The following KLF7 variants were observed in gnomAD, a reference collection of about 807,000 sequenced individuals.
KLF7 encodes the protein KLF transcription factor 7.
In KLF7, 2 loss-of-function variants were observed where a neutral mutation model predicts 27.3. That is an observed-to-expected ratio of 0.07 (90% CI 0.03 to 0.23). KLF7 has a LOEUF of 0.23. Among genes scored for constraint, KLF7 ranks in the 10% least tolerant of loss-of-function variants. The pLI, the probability that KLF7 is intolerant of heterozygous loss-of-function variation, is 1.00. For missense variants in KLF7, 221 were observed against 394.1 expected (o/e 0.56, Z 3.72); for synonymous variants, 165 against 162.4 (o/e 1.02, Z -0.12).
intron 1 of KLF7, 51 bp from the exon 2 acceptor site, chr2:207,124,455 C>A: frequency 1.3e-6 from 2 of 1,502,102 alleles, no homozygotes; most frequent in Non-Finnish European, 1.8e-6. Context: ...GCACAGAACA[C>A]CATGAGGCCA....
intron 1 of KLF7, among the ~76,000 whole-genome samples, chr2:207,143,537 G>C (rs768270567): frequency 2.6e-5 from 4 of 152,094 alleles, no homozygotes; most frequent in Admixed American, 6.5e-5. Flanking sequence ...TCTCTCTGTT[G>C]ATGTTTTTCT....
chr2:207,159,720 C>T (rs940985035), intron 1 of KLF7, among the ~76,000 whole-genome samples: 5 of 152,100 alleles, frequency 3.3e-5, no homozygotes, highest in Admixed American at 6.5e-5. Flanking sequence ...AGAAGTCACT[C>T]GCACCTCATT....
chr2:207,142,956 A>T (rs551867630), intron 1 of KLF7, among the ~76,000 whole-genome samples: 1 of 152,232 alleles, frequency 6.6e-6, no homozygotes. Context: ...TAACTCAGGG[A>T]AAGATTAAAG....
intron 1 of KLF7, among the ~76,000 whole-genome samples, chr2:207,134,446 G>T (rs7580722): frequency 1.2e-4 from 19 of 152,148 alleles, no homozygotes; most frequent in African/African-American, 4.6e-4. Context: ...CTTTCAAAAC[G>T]GAGAGCTTTG....
intron 1 of KLF7, among the ~76,000 whole-genome samples, chr2:207,132,684 T>C (rs936431816): frequency 6.6e-6 from 1 of 152,154 alleles, no homozygotes; most frequent in Non-Finnish European, 1.5e-5. Flanking sequence ...ATAAAAGAAA[T>C]TCCCAAAACA....
At chr2:207,107,622 C>CT (rs2076913839) in intron 2 of KLF7, among the ~76,000 whole-genome samples, 1 of 152,204 alleles carries the variant, frequency 6.6e-6, no homozygotes, top group Non-Finnish European at 1.5e-5. Flanking sequence ...CCAGAGGTTC[C>CT]TAAGCACTCC....
chr2:207,080,035 G>A lies in KLF7; in HGVS notation c.*1178C>T, dbSNP rs563754772. 3.3e-5 allele frequency: 5 copies of A among 152,134 alleles called. No individual in the cohort carries two copies. Among genetic ancestry groups the A allele is most frequent in the African/African-American group, 2.4e-5 (1 of 41,430 alleles). 9.4% of individuals were successfully genotyped at this position (152,134 alleles called of 1,614,324 possible). ...CATAAACCAGAGTTAAATTAAATACGCAGCTGCCCTCTGAGACTAGCGACA... is the reference window on the plus strand; with the variant it reads ...CATAAACCAGAGTTAAATTAAATACACAGCTGCCCTCTGAGACTAGCGACA... On this transcript the variant is annotated 3_prime_UTR_variant, in exon 4 of 4. Transcript: ENST00000309446.
intron 3 of KLF7, among the ~76,000 whole-genome samples, chr2:207,086,728 G>A (rs181253777): frequency 9.8e-5 from 15 of 152,314 alleles, no homozygotes; most frequent in Admixed American, 2.0e-4. Flanking sequence ...TTTGAAGAGT[G>A]GAATACTAAC....
intron 1 of KLF7, among the ~76,000 whole-genome samples, chr2:207,129,544 T>C (rs16839280): frequency 0.012 from 1,776 of 152,330 alleles, 34 homozygotes; most frequent in African/African-American, 0.041. Flanking sequence ...AAATATCACC[T>C]GAAATTCATA....
Position 207,100,182 on chromosome 2 carries a change from G to T in KLF7, c.734-11601C>A, listed in dbSNP as rs546522818. Among the ~76,000 whole-genome samples the T allele has an allele frequency of 2.6e-5, 4 of 152,288 alleles. No individual in the cohort carries two copies. In the East Asian group the frequency reaches 7.7e-4, roughly 29 times the overall value. On this transcript the variant is annotated intron_variant, in intron 2 of 3. Coordinates refer to ENST00000309446, the MANE Select transcript of KLF7 (RefSeq NM_003709.4). Reference sequence around the variant, plus strand: ...TTAGATAATTTATATCCAGATCATGGAGAGAAGGGCCCTCCCTGGGCCAGC... The same window carrying T: ...TTAGATAATTTATATCCAGATCATGTAGAGAAGGGCCCTCCCTGGGCCAGC...
At chr2:207,125,318 G>A (rs569155029) in intron 1 of KLF7, among the ~76,000 whole-genome samples, 5 of 152,280 alleles carry the variant, frequency 3.3e-5, no homozygotes, top group African/African-American at 9.6e-5. Flanking sequence ...GGCAAAAGTC[G>A]ATATTTAAGA....
chr2:207,095,048 T>TC (rs1339377122), intron 2 of KLF7, among the ~76,000 whole-genome samples: 1 of 138,218 alleles, frequency 7.2e-6, no homozygotes, highest in East Asian at 2.0e-4. Context: ...TTTTTTTTTT[T>TC]TTTTTTTTCT....
chr2:207,103,863 C>T (rs1234933587), intron 2 of KLF7, among the ~76,000 whole-genome samples: 4 of 152,190 alleles, frequency 2.6e-5, no homozygotes, highest in Non-Finnish European at 4.4e-5. Context: ...ACACAGGCAG[C>T]GTAATTATTA....
intron 1 of KLF7, among the ~76,000 whole-genome samples, chr2:207,134,420 G>C (rs1018536233): frequency 1.3e-5 from 2 of 152,020 alleles, no homozygotes; most frequent in African/African-American, 4.8e-5. Flanking sequence ...TTAGTGGCTG[G>C]TAATCATAGA....
At chr2:207,141,723 G>A (rs549173692) in intron 1 of KLF7, among the ~76,000 whole-genome samples, 2 of 152,286 alleles carry the variant, frequency 1.3e-5, no homozygotes, top group African/African-American at 2.4e-5. Context: ...GCCCACAGCT[G>A]CCAGTCTGAG....
chr2:207,144,812 C>T (rs929695), intron 1 of KLF7, among the ~76,000 whole-genome samples: 24,196 of 152,136 alleles, frequency 0.16, 2,253 homozygotes, highest in Middle Eastern at 0.23. Flanking sequence ...TTTATGAAGT[C>T]GTGGTTGGCT....
intron 2 of KLF7, 67 bp from the exon 3 acceptor site, chr2:207,088,648 G>T: frequency 6.5e-7 from 1 of 1,547,676 alleles, no homozygotes; most frequent in South Asian, 1.2e-5. Context: ...CAACCAGCCT[G>T]TGCTGCCTGC....
chr2:207,115,975 G>A (rs2077171361), intron 2 of KLF7, among the ~76,000 whole-genome samples: 1 of 152,186 alleles, frequency 6.6e-6, no homozygotes, highest in Admixed American at 6.5e-5. Flanking sequence ...CAGAGTACAG[G>A]AAGGGATCAG....
intron 1 of KLF7, 28 bp from the exon 2 acceptor site, chr2:207,124,432 A>G: frequency 6.5e-7 from 1 of 1,533,622 alleles, no homozygotes; most frequent in Non-Finnish European, 8.8e-7. Context: ...AGGGAGAGAA[A>G]CAGCCATCAG....
Sources: gnomAD v4.1 joint callset for allele counts (sites outside exome capture counted in the v4.1 genomes callset) on GRCh38, gnomAD v4.1.1 for gene constraint, MANE v1.5 for transcripts, NCBI Gene and HGNC (gene_info 2026-07-23, HGNC 2026-07-21) for gene names.